The following SERAC1 variants were observed in gnomAD, a reference collection of about 807,000 sequenced individuals.
SERAC1 encodes the protein protein SERAC1.
Under a neutral mutation model 85.7 loss-of-function variants are expected in SERAC1, and 36 were observed. The ratio of observed to expected loss-of-function variants is 0.42; its 90% CI spans 0.32 to 0.55. SERAC1 has a LOEUF of 0.55. SERAC1 is among the 20% of genes least tolerant of loss of function. SERAC1 has a pLI of 0.11. For synonymous variants in SERAC1, 242 were observed against 265.3 expected (o/e 0.91, Z 0.85); for missense variants, 629 against 796.2 (o/e 0.79, Z 2.53).
intron 14 of SERAC1, 107 bp from the exon 15 acceptor site, chr6:158,115,078 C>A: frequency 8.2e-7 from 1 of 1,222,676 alleles, no homozygotes; most frequent in Non-Finnish European, 1.1e-6. Flanking sequence ...GAGATGCTTT[C>A]TTTTTAAAAA....
rs1185785023 is a variant in SERAC1, at chr6:158,144,406, T to A, written c.502A>T (p.Ile168Leu). ...THHWHDYQYR[I>L]IAQACDPKTL... ...TTCGGATCACAGGCTTGAGCAATTA[T>A]CCTATACTGGTAATCTATTGAAAAA... is the stretch of plus-strand genomic sequence containing the variant. The change falls in exon 7 of 17, where the codon ATA becomes TTA. Residue 168 changes from isoleucine to leucine, a missense_variant. Physicochemically the swap from Ile to Leu is conservative, Grantham distance 5 (BLOSUM62 2). Transcript: ENST00000647468. 2.5e-6 allele frequency: 4 copies of A among 1,600,138 alleles called. No homozygotes were observed. The highest frequency in any genetic ancestry group is 3.4e-6 in the Non-Finnish European group (4 of 1,171,768).
At chr6:158,156,676 T>TA in intron 2 of SERAC1, among the ~76,000 whole-genome samples, 1 of 149,088 alleles carries the variant, frequency 6.7e-6, no homozygotes. Flanking sequence ...AGCACAACCT[T>TA]AACTGATGGT....
intron 3 of SERAC1, among the ~76,000 whole-genome samples, chr6:158,154,088 G>C (rs1785268407): frequency 6.7e-6 from 1 of 148,454 alleles, no homozygotes; most frequent in Non-Finnish European, 1.5e-5. Context: ...TGAACCCAGG[G>C]GGCAGAGGCT....
intron 1 of SERAC1, chr6:158,159,060 A>G (rs1417426510): frequency 2.0e-5 from 3 of 151,876 alleles, no homozygotes; most frequent in African/African-American, 4.8e-5. Context: ...TCCTTTTGCT[A>G]TAAGGGAAAG....
chr6:158,137,881 A>C (rs1784829708), intron 8 of SERAC1, among the ~76,000 whole-genome samples: 1 of 152,034 alleles, frequency 6.6e-6, no homozygotes, highest in African/African-American at 2.4e-5. Context: ...CCTCATCTCA[A>C]AAAAAAGGTC....
At chr6:158,141,167 T>C (rs1168680339) in intron 8 of SERAC1, among the ~76,000 whole-genome samples, 2 of 152,172 alleles carry the variant, frequency 1.3e-5, no homozygotes, top group African/African-American at 2.4e-5. Flanking sequence ...GAAAACATTA[T>C]GCTAAGTGAA....
At chr6:158,132,115 A>G (rs1784693366) in intron 8 of SERAC1, among the ~76,000 whole-genome samples, 1 of 152,196 alleles carries the variant, frequency 6.6e-6, no homozygotes, top group Non-Finnish European at 1.5e-5. Flanking sequence ...AGCTAGGGTC[A>G]TAATTGTGTG....
chr6:158,118,918 G>A, intron 12 of SERAC1, 111 bp downstream of exon 12: 2 of 1,300,452 alleles, frequency 1.5e-6, no homozygotes, highest in Non-Finnish European at 2.1e-6. Context: ...AGGGAAAGAA[G>A]AACTGCATGG....
chr6:158,130,494 T>A lies in SERAC1; in HGVS notation c.739-8A>T. 2 of 1,490,964 alleles carry A rather than the reference T, an allele frequency of 1.3e-6. No homozygotes were observed. The highest frequency in any genetic ancestry group is 1.8e-6 in the Non-Finnish European group (2 of 1,098,468). 92.4% of individuals were successfully genotyped at this position (1,490,964 alleles called of 1,614,324 possible). ...AAAACACCATAAACCACCCTGAAAT[T>A]AAAATAATTAAAATTTTTACTGAAA... On this transcript the variant is annotated splice_polypyrimidine_tract_variant and splice_region_variant and intron_variant, in intron 8 of 16. Coordinates refer to ENST00000647468, the MANE Select transcript of SERAC1 (RefSeq NM_032861.4).
Position 158,120,416 on chromosome 6 carries a change from CT to C in SERAC1, c.1166+8del, listed in dbSNP as rs766776726. 6.2e-7 allele frequency: 1 copy of C among 1,607,346 alleles called. No homozygotes were observed. Among genetic ancestry groups the C allele is most frequent in the Admixed American group, 1.7e-5 (1 of 59,398 alleles). ...AAGGGGACAAAGCAACTCTCTTCTG[CT>C]TCCTTACCTTGTTCGATATTGGGGA... is the stretch of plus-strand genomic sequence containing the variant. On this transcript the variant is annotated splice_region_variant and intron_variant, in intron 11 of 16. Transcript: ENST00000647468. The surrounding 1 kb of genome is among the most constrained non-coding windows in gnomAD (Gnocchi z 4.4).
At chr6:158,114,368 A>G in intron 15 of SERAC1, 1 of 466,124 alleles carries the variant, frequency 2.1e-6, no homozygotes, top group Non-Finnish European at 2.8e-6. Flanking sequence ...TCCGATTAAC[A>G]GGTGTTCCAG....
In SERAC1 at chr6:158,146,794, G is replaced by A. The variant is rs1294455092; in HGVS notation, c.475C>T (p.His159Tyr). The change falls in exon 6 of 17, where the codon CAT (histidine) becomes TAT (tyrosine). Residue 159 changes from histidine (H) to tyrosine (Y), a missense_variant. By Grantham distance (83) the His-to-Tyr change is moderately conservative. Coordinates refer to ENST00000647468, the MANE Select transcript of SERAC1 (RefSeq NM_032861.4). ...LEAVREMSET[H>Y]HWHDYQYRII... Reference sequence around the variant, plus strand: ...GTAGTCTCATTACCATGCCAGTGATGGGTCTCCGACATTTCCCGCACAGCC... The same window carrying A: ...GTAGTCTCATTACCATGCCAGTGATAGGTCTCCGACATTTCCCGCACAGCC... The A allele has an allele frequency of 4.3e-6, 7 of 1,613,620 alleles. No individual in the cohort carries two copies. The highest frequency in any genetic ancestry group is 5.9e-6 in the Non-Finnish European group (7 of 1,179,732).
At chr6:158,158,614 C>A in intron 1 of SERAC1, 1 of 318,830 alleles carries the variant, frequency 3.1e-6, no homozygotes, top group South Asian at 5.3e-5. Flanking sequence ...ATAGTTTTCA[C>A]AATTGGAAAG....
Position 158,120,682 on chromosome 6 carries a change from G to T in SERAC1, c.1016-107C>A. 8.1e-7 allele frequency: 1 copy of T among 1,231,120 alleles called. No individual in the cohort carries two copies. The highest frequency in any genetic ancestry group is 1.1e-6 in the Non-Finnish European group (1 of 899,280). The allele number at this position is 1,231,120 out of a possible 1,614,324, so 76.3% of individuals were successfully genotyped here. ...GATGGGAGAAAGGCAAACCTTGCGT[G>T]TCTGTCCTTGGCGGAGAAGTCCGAC... On this transcript the variant is annotated intron_variant, in intron 10 of 16. Transcript: ENST00000647468. This position sits in a 1 kb window ranked among gnomAD's most constrained non-coding sequence, Gnocchi z 4.4.
Position 158,111,329 on chromosome 6 carries a change from A to G in SERAC1, c.*37T>C. 6.5e-7 allele frequency: 1 copy of G among 1,541,942 alleles called. No homozygotes were observed. Among genetic ancestry groups the G allele is most frequent in the Non-Finnish European group, 8.7e-7 (1 of 1,149,116 alleles). On this transcript the variant is annotated 3_prime_UTR_variant, in exon 17 of 17. Transcript: ENST00000647468. ...AGAAACAGAACACCAAGTTTCTTGC[A>G]CTGAATTCACATATGAAAACTGGAA...
At chr6:158,143,696 AT>A (rs371838367) in intron 7 of SERAC1, among the ~76,000 whole-genome samples, 18 of 151,866 alleles carry the variant, frequency 1.2e-4, no homozygotes, top group African/African-American at 4.1e-4. Context: ...TAGTATGTTC[AT>A]TTTTCTATTT....
At chr6:158,139,351 CA>C (rs1184371009) in intron 8 of SERAC1, among the ~76,000 whole-genome samples, 2 of 152,072 alleles carry the variant, frequency 1.3e-5, no homozygotes, top group African/African-American at 4.8e-5. Flanking sequence ...TACAATTCAT[CA>C]ATATAAAGAA....
chr6:158,147,591 T>C (rs1398710061), intron 5 of SERAC1, among the ~76,000 whole-genome samples: 2 of 140,516 alleles, frequency 1.4e-5, no homozygotes, highest in Admixed American at 1.6e-4. Flanking sequence ...AAACCCTGTC[T>C]CTACTAAAAA....
chr6:158,158,539 G>A, intron 1 of SERAC1, 175 bp from the exon 2 acceptor site: 2 of 495,412 alleles, frequency 4.0e-6, no homozygotes, highest in Non-Finnish European at 7.2e-6. Context: ...ACTTAAAAGG[G>A]ACTTATTAGA....
Sources: gnomAD v4.1 joint callset for allele counts (sites outside exome capture counted in the v4.1 genomes callset) on GRCh38, gnomAD v4.1.1 for gene constraint, Gnocchi (gnomAD v3.1) non-coding constraint, MANE v1.5 for transcripts, NCBI Gene and HGNC (gene_info 2026-07-23, HGNC 2026-07-21) for gene names.